The following ARHGAP39 variants were observed in gnomAD, a reference collection of about 807,000 sequenced individuals.
ARHGAP39 encodes rho GTPase-activating protein 39.
ARHGAP39 carries 44 observed loss-of-function variants against 106.9 expected under a neutral mutation model. That is an observed-to-expected ratio of 0.41 (90% CI 0.32 to 0.53). The LOEUF is 0.53. Ranked by LOEUF, ARHGAP39 falls within the 20% of genes least tolerant of loss-of-function variation. The pLI is 0.21. For missense variants in ARHGAP39, 1,496 were observed against 1,577.3 expected (o/e 0.95, Z 0.87); for synonymous variants, 768 against 693.2 (o/e 1.11, Z -1.69).
chr8:144,602,915 G>A (rs1448188719), intron 2 of ARHGAP39, among the ~76,000 whole-genome samples: 3 of 134,776 alleles, frequency 2.2e-5, no homozygotes, highest in African/African-American at 9.0e-5. Context: ...GTGTGTGTGT[G>A]CGTGGAGGCG....
At chr8:144,549,589 T>G (rs903618795) in intron 4 of ARHGAP39, among the ~76,000 whole-genome samples, 1 of 152,138 alleles carries the variant, frequency 6.6e-6, no homozygotes, top group African/African-American at 2.4e-5. Flanking sequence ...GCCTCCCAAG[T>G]TCAAGCGATT....
intron 2 of ARHGAP39, among the ~76,000 whole-genome samples, chr8:144,599,770 C>T (rs1214779940): frequency 1.3e-5 from 2 of 152,206 alleles, no homozygotes; most frequent in Non-Finnish European, 2.9e-5. Context: ...GAGCCAGTGT[C>T]GCATTCCTGG....
intron 1 of ARHGAP39, among the ~76,000 whole-genome samples, chr8:144,656,051 T>C (rs1389512172): frequency 1.3e-5 from 2 of 152,156 alleles, no homozygotes; most frequent in African/African-American, 4.8e-5. Flanking sequence ...ATTCTTTTCT[T>C]CCTGACAAAC....
At chr8:144,673,863 T>C (rs755533357) in intron 1 of ARHGAP39, among the ~76,000 whole-genome samples, 18 of 152,242 alleles carry the variant, frequency 1.2e-4, no homozygotes, top group Non-Finnish European at 2.5e-4. Flanking sequence ...TAGCCAGGCA[T>C]GCCAGCTGCA....
chr8:144,553,526 A>C (rs1343085224), intron 4 of ARHGAP39, among the ~76,000 whole-genome samples: 3 of 152,070 alleles, frequency 2.0e-5, no homozygotes, highest in Non-Finnish European at 4.4e-5. Flanking sequence ...TGCATGCATC[A>C]CCCCAGGCCA....
At chr8:144,676,078 G>A (rs911157442) in intron 1 of ARHGAP39, among the ~76,000 whole-genome samples, 1 of 152,224 alleles carries the variant, frequency 6.6e-6, no homozygotes, top group Non-Finnish European at 1.5e-5. Flanking sequence ...GACCCAAAGA[G>A]TGAGCACCAG....
intron 1 of ARHGAP39, among the ~76,000 whole-genome samples, chr8:144,609,001 T>TA (rs886563071): frequency 6.6e-6 from 1 of 152,192 alleles, no homozygotes; most frequent in Non-Finnish European, 1.5e-5. Context: ...CAACAGTGAA[T>TA]AAAAAGTTTT....
chr8:144,689,017 C>A (rs996977994), upstream of ARHGAP39, among the ~76,000 whole-genome samples: 12 of 152,122 alleles, frequency 7.9e-5, no homozygotes, highest in African/African-American at 2.9e-4. Context: ...CCCAGAAACA[C>A]GCAAGGGAAT....
At chr8:144,606,594 A>AGAGAAGGAGGAG (rs554032944) in intron 1 of ARHGAP39, among the ~76,000 whole-genome samples, 12 of 152,128 alleles carry the variant, frequency 7.9e-5, no homozygotes, top group African/African-American at 1.7e-4. Flanking sequence ...TTTGTAGTTA[A>AGAGAAGGAGGAG]GAGAAGGAGG....
intron 6 of ARHGAP39, among the ~76,000 whole-genome samples, chr8:144,540,670 A>G (rs1258919164): frequency 6.6e-6 from 1 of 151,948 alleles, no homozygotes; most frequent in Non-Finnish European, 1.5e-5. Flanking sequence ...TGGGCTTGGT[A>G]GTGCCTGTGG....
intron 7 of ARHGAP39, among the ~76,000 whole-genome samples, chr8:144,535,909 T>G (rs1188655701): frequency 1.3e-5 from 2 of 152,222 alleles, no homozygotes; most frequent in African/African-American, 4.8e-5. Flanking sequence ...GTGTCACAAC[T>G]GTAGTGGGCA....
intron 2 of ARHGAP39, among the ~76,000 whole-genome samples, chr8:144,584,762 C>CTAAA (rs764283758): frequency 1.2e-4 from 19 of 152,190 alleles, no homozygotes; most frequent in East Asian, 3.9e-4. Context: ...GACTCTGTCT[C>CTAAA]TAAATAAATA....
chr8:144,618,507 G>A (rs1450767402), intron 1 of ARHGAP39, among the ~76,000 whole-genome samples: 2 of 152,262 alleles, frequency 1.3e-5, no homozygotes, highest in African/African-American at 4.8e-5. Context: ...CCAGAATGCT[G>A]TACCCAGAGA....
At chr8:144,651,726 A>G (rs1202009127) in intron 1 of ARHGAP39, among the ~76,000 whole-genome samples, 1 of 152,100 alleles carries the variant, frequency 6.6e-6, no homozygotes. Context: ...AAAAATAAAT[A>G]CATACATTCA....
At chr8:144,654,111 G>A (rs1020947735) in intron 1 of ARHGAP39, among the ~76,000 whole-genome samples, 1 of 152,160 alleles carries the variant, frequency 6.6e-6, no homozygotes, top group Non-Finnish European at 1.5e-5. Context: ...TGACCTACAG[G>A]ACAACATGAA....
chr8:144,648,585 T>C (rs1278834884), intron 1 of ARHGAP39, among the ~76,000 whole-genome samples: 1 of 152,092 alleles, frequency 6.6e-6, no homozygotes, highest in Non-Finnish European at 1.5e-5. Flanking sequence ...TTCCGAAAGG[T>C]AGAGCAAGTT....
At chr8:144,620,095 C>T (rs1167479178) in intron 1 of ARHGAP39, among the ~76,000 whole-genome samples, 2 of 122,184 alleles carry the variant, frequency 1.6e-5, no homozygotes, top group African/African-American at 3.2e-5. Context: ...TGCGTTGAGC[C>T]TGTGTGTCCC....
chr8:144,645,018 G>A lies in ARHGAP39; in HGVS notation c.-81-39323C>T, dbSNP rs1821407263. 6.6e-6 allele frequency among the ~76,000 whole-genome samples: 1 copy of A among 152,350 alleles called. No individual in the cohort carries two copies. The highest frequency in any genetic ancestry group is 2.1e-4 in the South Asian group (1 of 4,826). On this transcript the variant is annotated intron_variant, in intron 1 of 11. Transcript: ENST00000377307. The surrounding 1 kb of genome is among the most constrained non-coding windows in gnomAD (Gnocchi z 4.4). ...CTGGGTGGCAGGTGACAGGCGCTGG[G>A]CCACGGCAGAGAGCACATGTCAACC...
intron 1 of ARHGAP39, among the ~76,000 whole-genome samples, chr8:144,623,034 ATGC>A (rs1820844313): frequency 6.6e-6 from 1 of 152,204 alleles, no homozygotes; most frequent in South Asian, 2.1e-4. Flanking sequence ...GAAACACAAT[ATGC>A]TGCATGCAGG....
Sources: gnomAD v4.1 joint callset for allele counts (sites outside exome capture counted in the v4.1 genomes callset) on GRCh38, gnomAD v4.1.1 for gene constraint, Gnocchi (gnomAD v3.1) non-coding constraint, MANE v1.5 for transcripts, NCBI Gene and HGNC (gene_info 2026-07-23, HGNC 2026-07-21) for gene names.